SLIT3: variants seen among roughly 807,000 people sequenced by gnomAD.
The protein encoded by SLIT3 is slit guidance ligand 3.
Under a neutral mutation model 184.0 loss-of-function variants are expected in SLIT3, and 68 were observed. The ratio of observed to expected loss-of-function variants is 0.37; its 90% confidence interval spans 0.30 to 0.45. SLIT3 has a LOEUF of 0.45. Ranked by LOEUF, SLIT3 falls within the 20% of genes least tolerant of loss-of-function variation. The probability of loss-of-function intolerance (pLI) is 1.00; values close to 1 mark genes in which losing one functional copy is unlikely to be tolerated. For synonymous variants in SLIT3, 831 were observed against 828.6 expected (o/e 1.00, Z -0.05); for missense variants, 1,707 against 2,026.0 (o/e 0.84, Z 3.02).
intron 20 of SLIT3, among the ~76,000 whole-genome samples, chr5:168,743,482 A>G (rs1763703045): frequency 6.6e-6 from 1 of 152,184 alleles, no homozygotes; most frequent in Non-Finnish European, 1.5e-5. Context: ...GATGAATTTA[A>G]TTGATAAATG....
chr5:168,817,494 G>A, intron 7 of SLIT3, 31 bp from the exon 8 acceptor site: 1 of 1,576,872 alleles, frequency 6.3e-7, no homozygotes, highest in Non-Finnish European at 8.6e-7. Context: ...GAGAAGGCAT[G>A]GTCACAGGTG....
chr5:168,924,037 C>A (rs555613633), intron 4 of SLIT3, among the ~76,000 whole-genome samples: 144 of 152,330 alleles, frequency 9.5e-4, no homozygotes, highest in African/African-American at 3.4e-3. Context: ...AATATCTGGT[C>A]CTTTACAGAA....
intron 4 of SLIT3, among the ~76,000 whole-genome samples, chr5:168,906,658 G>A (rs576354801): frequency 7.9e-5 from 12 of 152,044 alleles, no homozygotes; most frequent in Middle Eastern, 3.4e-3. Flanking sequence ...ATTTTTTTCC[G>A]AAATAGAGGA....
At chr5:169,152,812 G>A (rs1295523232) in intron 4 of SLIT3, among the ~76,000 whole-genome samples, 2 of 152,164 alleles carry the variant, frequency 1.3e-5, no homozygotes, top group Non-Finnish European at 2.9e-5. Flanking sequence ...GACTCAGAGT[G>A]TGAGGGGCTG....
At chr5:169,032,502 G>A (rs969883717) in intron 4 of SLIT3, among the ~76,000 whole-genome samples, 1 of 141,520 alleles carries the variant, frequency 7.1e-6, no homozygotes, top group Non-Finnish European at 1.5e-5. Context: ...TCACTTATGT[G>A]CCAGTCATTT....
intron 4 of SLIT3, among the ~76,000 whole-genome samples, chr5:169,190,254 C>T (rs2113463390): frequency 6.6e-6 from 1 of 152,322 alleles, no homozygotes; most frequent in South Asian, 2.1e-4. Context: ...TTGACCAAGG[C>T]CCTCTTCACC....
chr5:169,007,135 T>C (rs906334659), intron 4 of SLIT3, among the ~76,000 whole-genome samples: 2 of 152,208 alleles, frequency 1.3e-5, no homozygotes, highest in African/African-American at 4.8e-5. Context: ...CAGTTTCCCC[T>C]GCTCTTCTCT....
chr5:168,895,035 C>T (rs943321953), intron 4 of SLIT3, among the ~76,000 whole-genome samples: 4 of 152,044 alleles, frequency 2.6e-5, no homozygotes. Context: ...TGAAGATGTA[C>T]AGAAATAAAG....
At chr5:169,178,504 G>A (rs974047561) in intron 4 of SLIT3, among the ~76,000 whole-genome samples, 6 of 152,156 alleles carry the variant, frequency 3.9e-5, no homozygotes, top group Non-Finnish European at 8.8e-5. Context: ...AGAGTCACAC[G>A]TGCGATCAGA....
At chr5:169,227,220 C>T (rs903390959) in intron 3 of SLIT3, among the ~76,000 whole-genome samples, 3 of 152,206 alleles carry the variant, frequency 2.0e-5, no homozygotes, top group African/African-American at 7.2e-5. Flanking sequence ...CTAATTTACA[C>T]TTGCTTACAT....
chr5:168,786,491 C>T (rs1561932317), intron 11 of SLIT3, among the ~76,000 whole-genome samples: 1 of 152,190 alleles, frequency 6.6e-6, no homozygotes, highest in Non-Finnish European at 1.5e-5. Context: ...GGTGCAGGGA[C>T]TGCTGAGTCA....
intron 4 of SLIT3, among the ~76,000 whole-genome samples, chr5:168,888,468 C>T (rs1448642076): frequency 1.3e-5 from 2 of 152,192 alleles, no homozygotes; most frequent in African/African-American, 4.8e-5. Context: ...CAAGGGGATC[C>T]ACCCCAAAGT....
chr5:168,684,945 T>A lies in SLIT3; in HGVS notation c.3555+742A>T, dbSNP rs539808291. Among the ~76,000 whole-genome samples, 421 of 151,788 alleles carry A rather than the reference T, an allele frequency of 2.8e-3. 2 individuals carry two copies. Among genetic ancestry groups the A allele is most frequent in the Middle Eastern group, 0.014 (4 of 294 alleles). ...GGTGGGGCCCAGGCAAAGATAATTT[T>A]ATTATTTATTTATTTATTCTTTTGA... On this transcript the variant is annotated intron_variant, in intron 31 of 35. Transcript: ENST00000519560.
chr5:169,281,344 C>T (rs372420688), intron 1 of SLIT3, among the ~76,000 whole-genome samples: 26 of 152,182 alleles, frequency 1.7e-4, no homozygotes, highest in Admixed American at 2.6e-4. Context: ...GGCGTGGTGA[C>T]GGGTGCCTGT....
chr5:168,760,795 TC>T, intron 16 of SLIT3, 66 bp downstream of exon 16: 1 of 1,206,332 alleles, frequency 8.3e-7, no homozygotes, highest in Non-Finnish European at 1.2e-6. Flanking sequence ...CCCTGGTTCC[TC>T]TAGTCTAGAA....
At chr5:169,127,091 T>A (rs295984) in intron 4 of SLIT3, among the ~76,000 whole-genome samples, 110,194 of 152,078 alleles carry the variant, frequency 0.72, 40,406 homozygotes, top group East Asian at 0.93. Flanking sequence ...TCTTCTTCCA[T>A]CCCTACAAGG....
intron 4 of SLIT3, among the ~76,000 whole-genome samples, chr5:169,025,278 C>T (rs1756772939): frequency 6.6e-6 from 1 of 152,136 alleles, no homozygotes; most frequent in Admixed American, 6.5e-5. Context: ...AGAAATGGCT[C>T]CAGCCCCATA....
intron 3 of SLIT3, among the ~76,000 whole-genome samples, chr5:169,233,626 T>C (rs1030338871): frequency 2.0e-5 from 3 of 152,230 alleles, no homozygotes; most frequent in Admixed American, 6.5e-5. Flanking sequence ...ACCGCACACG[T>C]ACCCCGGAAC....
chr5:169,148,219 C>T (rs995932996), intron 4 of SLIT3, among the ~76,000 whole-genome samples: 9 of 152,152 alleles, frequency 5.9e-5, no homozygotes, highest in Non-Finnish European at 8.8e-5. Flanking sequence ...ACTGAAAAAC[C>T]TCAGTGGATT....
Sources: allele counts gnomAD v4.1 joint callset (sites outside exome capture counted in the v4.1 genomes callset), GRCh38; gene constraint gnomAD v4.1.1; transcripts MANE v1.5; gene names NCBI Gene and HGNC (gene_info 2026-07-23, HGNC 2026-07-21).